The following PLXDC2 variants were observed in gnomAD, a reference collection of about 807,000 sequenced individuals.
The protein encoded by PLXDC2 is plexin domain-containing protein 2.
In PLXDC2, 40 loss-of-function variants were observed where a neutral mutation model predicts 68.9. The observed-to-expected ratio is 0.58, with a 90% CI of 0.45 to 0.76. The LOEUF is 0.76. Ranked by LOEUF, PLXDC2 falls within the 30% of genes least tolerant of loss-of-function variation. PLXDC2 has a pLI of 0.00. For missense variants in PLXDC2, 644 were observed against 661.9 expected (o/e 0.97, Z 0.30); for synonymous variants, 243 against 234.2 (o/e 1.04, Z -0.34).
intron 1 of PLXDC2, among the ~76,000 whole-genome samples, chr10:19,897,018 C>T (rs1490644080): frequency 6.6e-6 from 1 of 150,826 alleles, no homozygotes; most frequent in Non-Finnish European, 1.5e-5. Context: ...AAATTTTACC[C>T]ATTTCTTTAC....
intron 1 of PLXDC2, among the ~76,000 whole-genome samples, chr10:19,833,805 T>G (rs1441400561): frequency 6.6e-6 from 1 of 152,142 alleles, no homozygotes; most frequent in Non-Finnish European, 1.5e-5. Flanking sequence ...ATCGAAAAGG[T>G]AAGCAATCTA....
chr10:19,929,323 C>T (rs2131387711), intron 1 of PLXDC2, among the ~76,000 whole-genome samples: 1 of 152,220 alleles, frequency 6.6e-6, no homozygotes, highest in Admixed American at 6.5e-5. Flanking sequence ...CCCCTTGATT[C>T]ATACCCAACC....
chr10:20,002,469 A>G (rs545299143), intron 2 of PLXDC2, among the ~76,000 whole-genome samples: 1 of 152,246 alleles, frequency 6.6e-6, no homozygotes, highest in East Asian at 1.9e-4. Context: ...CATGTTTGCC[A>G]GGCTGGTCTG....
intron 1 of PLXDC2, among the ~76,000 whole-genome samples, chr10:19,911,829 G>A (rs189233912): frequency 1.5e-4 from 23 of 152,180 alleles, no homozygotes; most frequent in Admixed American, 3.9e-4. Context: ...CAATTTTTCT[G>A]TGTTACAGAT....
At chr10:19,894,300 A>G (rs962160478) in intron 1 of PLXDC2, among the ~76,000 whole-genome samples, 3 of 151,700 alleles carry the variant, frequency 2.0e-5, no homozygotes, top group Non-Finnish European at 4.4e-5. Context: ...TATTAGCACA[A>G]TCCTAGGAAC....
chr10:19,915,049 A>AT (rs897159721), intron 1 of PLXDC2, among the ~76,000 whole-genome samples: 13 of 152,098 alleles, frequency 8.5e-5, no homozygotes, highest in East Asian at 3.9e-4. Context: ...TTGATGAGTC[A>AT]TTTTTTTTAA....
intron 2 of PLXDC2, among the ~76,000 whole-genome samples, chr10:20,014,131 G>T (rs1346289574): frequency 6.6e-6 from 1 of 152,098 alleles, no homozygotes; most frequent in Non-Finnish European, 1.5e-5. Flanking sequence ...TCTATCATGT[G>T]CATAAGGAAA....
chr10:20,148,555 C>A (rs1160505735), intron 6 of PLXDC2, among the ~76,000 whole-genome samples: 2 of 152,078 alleles, frequency 1.3e-5, no homozygotes, highest in Non-Finnish European at 2.9e-5. Context: ...AATATTTAGA[C>A]TAGAATAACT....
chr10:19,968,345 C>T (rs911625713), intron 1 of PLXDC2, among the ~76,000 whole-genome samples: 8 of 152,310 alleles, frequency 5.3e-5, no homozygotes, highest in African/African-American at 1.4e-4. Context: ...CAGGGTCTCA[C>T]TCTGTCTCCC....
At chr10:20,150,637 C>G (rs971311653) in intron 6 of PLXDC2, among the ~76,000 whole-genome samples, 1 of 152,188 alleles carries the variant, frequency 6.6e-6, no homozygotes, top group African/African-American at 2.4e-5. Context: ...TTTGAACCAA[C>G]ACTGGTCAAG....
intron 4 of PLXDC2, among the ~76,000 whole-genome samples, chr10:20,131,256 G>T (rs1833863892): frequency 6.7e-6 from 1 of 148,458 alleles, no homozygotes; most frequent in African/African-American, 2.5e-5. Flanking sequence ...GTACTGTTCT[G>T]TTCCGACGTG....
At chr10:20,067,892 C>T (rs1374852662) in intron 3 of PLXDC2, among the ~76,000 whole-genome samples, 2 of 152,004 alleles carry the variant, frequency 1.3e-5, no homozygotes, top group African/African-American at 4.8e-5. Flanking sequence ...TAAAAAGAAC[C>T]TCAGAATAAG....
chr10:20,005,979 C>T (rs1835021851), intron 2 of PLXDC2, among the ~76,000 whole-genome samples: 2 of 152,122 alleles, frequency 1.3e-5, no homozygotes, highest in African/African-American at 4.8e-5. Flanking sequence ...CACCTGAAGT[C>T]AGTAGTTTGA....
chr10:20,238,372 T>C (rs2460570), intron 12 of PLXDC2, among the ~76,000 whole-genome samples: 106,055 of 150,268 alleles, frequency 0.71, 38,550 homozygotes, highest in Non-Finnish European at 0.81. Flanking sequence ...CTTGGCCAGG[T>C]GCGGTGGCTC....
chr10:19,926,606 C>T (rs922344014), intron 1 of PLXDC2, among the ~76,000 whole-genome samples: 1 of 152,118 alleles, frequency 6.6e-6, no homozygotes, highest in Non-Finnish European at 1.5e-5. Flanking sequence ...GAATTCCTTT[C>T]CATTTTTTCC....
Position 20,289,016 on chromosome 10 carries a change from T to C in PLXDC2, c.*9197T>C, listed in dbSNP as rs1400559159. Reference sequence around the variant, plus strand: ...AAGACTGCTGTCATATTTGACTACATATTAAAAACAGTAAATGAGCATTTT... The same window carrying C: ...AAGACTGCTGTCATATTTGACTACACATTAAAAACAGTAAATGAGCATTTT... On this transcript the variant is annotated 3_prime_UTR_variant, in exon 14 of 14. Coordinates refer to ENST00000377252, the MANE Select transcript of PLXDC2 (RefSeq NM_032812.9). The C allele has an allele frequency of 1.3e-5, 2 of 152,240 alleles. No homozygotes were observed. Among genetic ancestry groups the C allele is most frequent in the Admixed American group, 6.5e-5 (1 of 15,280 alleles). 9.4% of individuals were successfully genotyped at this position (152,240 alleles called of 1,614,324 possible). A position where few individuals can be genotyped will look rare whatever the true frequency, so the allele number is the denominator to read the frequency against.
intron 1 of PLXDC2, among the ~76,000 whole-genome samples, chr10:19,979,514 A>G (rs938850446): frequency 6.6e-6 from 1 of 150,652 alleles, no homozygotes; most frequent in East Asian, 2.0e-4. Flanking sequence ...AATTGATTGC[A>G]GGCACCCACG....
chr10:20,208,758 A>G (rs568012209), intron 9 of PLXDC2, among the ~76,000 whole-genome samples: 4 of 152,216 alleles, frequency 2.6e-5, no homozygotes, highest in African/African-American at 9.6e-5. Flanking sequence ...CACCCCCGAT[A>G]TTTCATGTAG....
chr10:19,976,587 A>G (rs1388298531), intron 1 of PLXDC2, among the ~76,000 whole-genome samples: 1 of 152,162 alleles, frequency 6.6e-6, no homozygotes, highest in Non-Finnish European at 1.5e-5. Context: ...TTTAGCTGCC[A>G]TCAGCGTACA....
Sources: gnomAD v4.1 joint callset for allele counts (sites outside exome capture counted in the v4.1 genomes callset) on GRCh38, gnomAD v4.1.1 for gene constraint, MANE v1.5 for transcripts, NCBI Gene and HGNC (gene_info 2026-07-23, HGNC 2026-07-21) for gene names.